COL19A1: variants seen among roughly 807,000 people sequenced by gnomAD.
The protein encoded by COL19A1 is collagen alpha-1(XIX) chain.
A neutral mutation model predicts 190.2 loss-of-function variants in COL19A1; 159 were observed. That is an observed-to-expected ratio of 0.84 (90% CI 0.73 to 0.95). COL19A1 has a LOEUF of 0.95. Ranked by LOEUF, COL19A1 falls within the 40% of genes least tolerant of loss-of-function variation. The pLI, the probability that COL19A1 is intolerant of heterozygous loss-of-function variation, is 0.00. For synonymous variants in COL19A1, 509 were observed against 458.9 expected (o/e 1.11, Z -1.39); for missense variants, 1,418 against 1,431.9 (o/e 0.99, Z 0.16).
At chr6:70,159,372 G>A (rs1055407062) in intron 34 of COL19A1, among the ~76,000 whole-genome samples, 1 of 151,634 alleles carries the variant, frequency 6.6e-6, no homozygotes, top group Non-Finnish European at 1.5e-5. Context: ...ACCACATACC[G>A]ATATGTAGAG....
chr6:70,044,144 C>T (rs1226211204), intron 14 of COL19A1, among the ~76,000 whole-genome samples: 3 of 152,172 alleles, frequency 2.0e-5, no homozygotes, highest in East Asian at 1.9e-4. Context: ...CTGCAGCTTC[C>T]TCACCTCTCT....
chr6:69,996,946 ATG>A, intron 11 of COL19A1, among the ~76,000 whole-genome samples: 2 of 149,794 alleles, frequency 1.3e-5, no homozygotes, highest in Non-Finnish European at 1.5e-5. Context: ...GTGTATATAT[ATG>A]TATGTACATA....
At chr6:70,062,976 T>C (rs933113348) in intron 14 of COL19A1, among the ~76,000 whole-genome samples, 5 of 152,092 alleles carry the variant, frequency 3.3e-5, no homozygotes, top group Non-Finnish European at 5.9e-5. Flanking sequence ...CCCAGATTCA[T>C]AAAGCAAGTC....
In COL19A1 at chr6:69,916,149, G is replaced by C. The variant is rs1050230602; in HGVS notation, c.267-11760G>C. Among the ~76,000 whole-genome samples, 6 of 152,092 alleles carry C rather than the reference G, an allele frequency of 3.9e-5. No individual in the cohort carries two copies. In the South Asian group the frequency reaches 8.3e-4, roughly 21 times the overall value. ...GATGGGGTTTCACCGTGTTAGCCAG[G>C]ATGGTCTTGATCTCCTGACCTTGTG... is the stretch of plus-strand genomic sequence containing the variant. On this transcript the variant is annotated intron_variant, in intron 4 of 50. Transcript: ENST00000620364.
chr6:70,055,935 GT>G (rs1780481930), intron 14 of COL19A1, among the ~76,000 whole-genome samples: 1 of 151,526 alleles, frequency 6.6e-6, no homozygotes, highest in Admixed American at 6.6e-5. Flanking sequence ...TACTTTCCCT[GT>G]TATTGCCTTC....
intron 19 of COL19A1, among the ~76,000 whole-genome samples, chr6:70,140,552 GA>G (rs1786183340): frequency 1.3e-5 from 2 of 151,982 alleles, no homozygotes; most frequent in African/African-American, 4.8e-5. Context: ...CCAACTGGAA[GA>G]ATTCAAGTGA....
At chr6:69,968,759 A>G (rs957503416) in intron 11 of COL19A1, among the ~76,000 whole-genome samples, 4 of 152,196 alleles carry the variant, frequency 2.6e-5, no homozygotes, top group African/African-American at 9.7e-5. Flanking sequence ...TGGGCCACTT[A>G]AAATTTGGTA....
At chr6:69,898,767 A>G (rs1561975503) in intron 2 of COL19A1, among the ~76,000 whole-genome samples, 181 bp from the exon 3 acceptor site, 2 of 152,218 alleles carry the variant, frequency 1.3e-5, no homozygotes, top group Non-Finnish European at 2.9e-5. Flanking sequence ...AGCACTCTAC[A>G]TAAGTAACCA....
intron 46 of COL19A1, 70 bp from the exon 47 acceptor site, chr6:70,188,005 A>G: frequency 6.4e-7 from 1 of 1,568,682 alleles, no homozygotes; most frequent in East Asian, 2.3e-5. Context: ...GTATGAATCC[A>G]GAACTTTTGC....
rs895538851 is a variant in COL19A1, at chr6:70,042,312, G to A, written c.1170+6373G>A. On this transcript the variant is annotated intron_variant, in intron 14 of 50. Coordinates refer to ENST00000620364, the MANE Select transcript of COL19A1 (RefSeq NM_001858.6). ...TTGGAGATATTACAGGTTCGGTTCC[G>A]TACCACTGCAATAAAGCAAGTCACC... is the stretch of plus-strand genomic sequence containing the variant. Among the ~76,000 whole-genome samples, 9 of 152,092 alleles carry A rather than the reference G, an allele frequency of 5.9e-5. No individual in the cohort carries two copies. The South Asian group carries it at 6.2e-4, about 11-fold the overall frequency.
chr6:70,040,052 C>A (rs1330731243), intron 14 of COL19A1, among the ~76,000 whole-genome samples: 1 of 152,036 alleles, frequency 6.6e-6, no homozygotes, highest in Non-Finnish European at 1.5e-5. Flanking sequence ...AGGCAGGAAC[C>A]ACTGAGTCCA....
intron 11 of COL19A1, among the ~76,000 whole-genome samples, chr6:69,986,194 A>T (rs1235255030): frequency 6.7e-6 from 1 of 148,576 alleles, no homozygotes; most frequent in East Asian, 2.0e-4. Context: ...AATAGCTGCC[A>T]GTAAAATGTT....
chr6:70,032,262 C>T (rs1216080376), intron 12 of COL19A1, among the ~76,000 whole-genome samples: 1 of 152,152 alleles, frequency 6.6e-6, no homozygotes, highest in African/African-American at 2.4e-5. Flanking sequence ...GAGAGATTCT[C>T]TCTAAACATA....
At chr6:69,918,540 A>G (rs1320888577) in intron 4 of COL19A1, among the ~76,000 whole-genome samples, 1 of 152,120 alleles carries the variant, frequency 6.6e-6, no homozygotes, top group Non-Finnish European at 1.5e-5. Context: ...CTACAAAAAA[A>G]TAAAAAATAC....
Position 70,142,083 on chromosome 6 carries a change from A to C in COL19A1, c.1572+7A>C, listed in dbSNP as rs747009317. On this transcript the variant is annotated splice_region_variant and intron_variant, in intron 22 of 50. Coordinates refer to ENST00000620364, the MANE Select transcript of COL19A1 (RefSeq NM_001858.6). Reference sequence around the variant, plus strand: ...AGGAAGCCCAGGACTAAAGGTATATAAGAAATAACTAAGATTTCTTGGGAA... The same window carrying C: ...AGGAAGCCCAGGACTAAAGGTATATCAGAAATAACTAAGATTTCTTGGGAA... The C allele has an allele frequency of 6.2e-7, 1 of 1,610,040 alleles. No homozygotes were observed. The highest frequency in any genetic ancestry group is 1.7e-5 in the Admixed American group (1 of 59,666).
intron 9 of COL19A1, among the ~76,000 whole-genome samples, chr6:69,952,033 C>T (rs982281451): frequency 5.3e-5 from 8 of 151,954 alleles, no homozygotes; most frequent in Middle Eastern, 3.4e-3. Context: ...CAGTTTGCTT[C>T]GGACATCCTG....
Position 70,180,364 on chromosome 6 carries a change from G to A in COL19A1, c.2712+8G>A. On this transcript the variant is annotated splice_region_variant and intron_variant, in intron 43 of 50. Coordinates refer to ENST00000620364, the MANE Select transcript of COL19A1 (RefSeq NM_001858.6). ...GGAGTTCCAGGGGAACCGGTGAGTT[G>A]GCAGTTACTTTCATGACAGTTGTAC... 6.2e-7 allele frequency: 1 copy of A among 1,614,078 alleles called. No individual in the cohort carries two copies. The highest frequency in any genetic ancestry group is 8.5e-7 in the Non-Finnish European group (1 of 1,179,990).
At chr6:70,030,919 C>A (rs140513516) in intron 12 of COL19A1, among the ~76,000 whole-genome samples, 2 of 152,180 alleles carry the variant, frequency 1.3e-5, no homozygotes, top group African/African-American at 4.8e-5. Flanking sequence ...GCTGTCATAG[C>A]CCCTTTTATG....
chr6:70,090,564 T>C (rs1266552550), intron 15 of COL19A1, among the ~76,000 whole-genome samples: 1 of 150,586 alleles, frequency 6.6e-6, no homozygotes, highest in Non-Finnish European at 1.5e-5. Flanking sequence ...GAGATGACTG[T>C]ACATATAATC....
Sources: allele counts gnomAD v4.1 joint callset (sites outside exome capture counted in the v4.1 genomes callset), GRCh38; gene constraint gnomAD v4.1.1; transcripts MANE v1.5; gene names NCBI Gene and HGNC (gene_info 2026-07-23, HGNC 2026-07-21).